The following KIFAP3 variants were observed in gnomAD, a reference collection of about 807,000 sequenced individuals.
The protein encoded by KIFAP3 is kinesin associated protein 3, also known as kinesin-associated protein 3.
Under a neutral mutation model 106.5 loss-of-function variants are expected in KIFAP3, and 68 were observed. The ratio of observed to expected loss-of-function variants is 0.64; its 90% CI spans 0.53 to 0.78. The LOEUF (loss-of-function observed/expected upper bound fraction) is 0.78, where lower values mean the gene tolerates loss of function less well. KIFAP3 is among the 30% of genes least tolerant of loss of function. The pLI is 0.00. For synonymous variants in KIFAP3, 320 were observed against 311.5 expected (o/e 1.03, Z -0.29); for missense variants, 780 against 941.8 (o/e 0.83, Z 2.25).
rs1210600876 is a variant in KIFAP3, at chr1:170,046,848, G to C, written c.183C>G (p.Leu61=). 3 of 1,605,068 alleles carry C rather than the reference G, an allele frequency of 1.9e-6. No homozygotes were observed. Among genetic ancestry groups the C allele is most frequent in the East Asian group, 4.5e-5 (2 of 44,402 alleles). Residue 61 remains leucine (L), a synonymous_variant, in exon 3 of 20, where the codon CTC becomes CTG. Transcript: ENST00000361580. ...ECQKIIRLKS[L]NANTDITSLA... is the part of the protein sequence containing the mutation. The stretch of plus-strand genomic sequence containing the variant: ...GGGAAGTTATATCTGTGTTGGCATT[G>C]AGACTCTTAAGTCGAATGCTGTAAG...
chr1:169,988,007 G>A (rs568766326), intron 11 of KIFAP3, among the ~76,000 whole-genome samples: 118 of 151,980 alleles, frequency 7.8e-4, no homozygotes, highest in African/African-American at 2.7e-3. Context: ...CATGTATAAA[G>A]ACTTGACCTG....
At chr1:169,973,123 A>ATATATATATATATATATAT (rs1553278139) in intron 16 of KIFAP3, among the ~76,000 whole-genome samples, 36 of 128,554 alleles carry the variant, frequency 2.8e-4, no homozygotes, top group South Asian at 5.3e-4. Flanking sequence ...ATATATATAT[A>ATATATATATATATATATAT]AACAACACAA....
intron 15 of KIFAP3, among the ~76,000 whole-genome samples, chr1:169,979,860 C>T (rs116189121): frequency 4.6e-5 from 7 of 152,072 alleles, no homozygotes; most frequent in Non-Finnish European, 7.4e-5. Flanking sequence ...TCCTCCCCCC[C>T]ACAAAAACCT....
chr1:169,992,422 A>G (rs949650085), intron 10 of KIFAP3, among the ~76,000 whole-genome samples, 167 bp from the exon 11 acceptor site: 19 of 152,298 alleles, frequency 1.2e-4, no homozygotes, highest in Non-Finnish European at 2.8e-4. Context: ...GAGCAAGCAT[A>G]TTCATGTTAT....
exon 1 of KIFAP3, chr1:170,085,088 A>AT (rs1244941302): frequency 6.6e-6 from 1 of 152,218 alleles, no homozygotes; most frequent in African/African-American, 2.4e-5. Flanking sequence ...CAAGGAGCCC[A>AT]TATCCACTGG....
chr1:169,930,900 T>C (rs1663427065), intron 19 of KIFAP3, among the ~76,000 whole-genome samples: 1 of 142,336 alleles, frequency 7.0e-6, no homozygotes, highest in South Asian at 2.1e-4. Flanking sequence ...GTCCTTTTCA[T>C]TTTATTATTA....
At chr1:170,004,633 C>T (rs1289061726) in intron 10 of KIFAP3, among the ~76,000 whole-genome samples, 1 of 152,024 alleles carries the variant, frequency 6.6e-6, no homozygotes, top group Non-Finnish European at 1.5e-5. Flanking sequence ...ATAAATGGTG[C>T]TGGGAAAACT....
At chr1:169,936,359 A>AT (rs1663799646) in intron 19 of KIFAP3, among the ~76,000 whole-genome samples, 1 of 151,814 alleles carries the variant, frequency 6.6e-6, no homozygotes, top group Non-Finnish European at 1.5e-5. Context: ...TTCAAATTAC[A>AT]TTTTTTAGGA....
intron 1 of KIFAP3, among the ~76,000 whole-genome samples, chr1:170,070,282 A>C (rs571491648): frequency 6.6e-6 from 1 of 152,114 alleles, no homozygotes; most frequent in Non-Finnish European, 1.5e-5. Context: ...CTTTTTTTGC[A>C]GAAATGAAAA....
At chr1:169,983,628 C>T (rs1309918570) in intron 12 of KIFAP3, among the ~76,000 whole-genome samples, 1 of 151,870 alleles carries the variant, frequency 6.6e-6, no homozygotes, top group Non-Finnish European at 1.5e-5. Context: ...CACTTTTCCT[C>T]TTCCCTGTCT....
Position 169,969,859 on chromosome 1 carries a change from T to G in KIFAP3, c.1983+2654A>C, listed in dbSNP as rs532579252. Among the ~76,000 whole-genome samples the G allele has an allele frequency of 3.7e-3, 560 of 152,092 alleles. 2 individuals are homozygous for G. The highest frequency in any genetic ancestry group is 0.013 in the African/African-American group (523 of 41,530). On this transcript the variant is annotated intron_variant, in intron 17 of 19. Coordinates refer to ENST00000361580, the MANE Select transcript of KIFAP3 (RefSeq NM_014970.4). The stretch of plus-strand genomic sequence containing the variant: ...TGTTCTCTGGGGTCTAGATTGTAAA[T>G]TTTTATATTAAGGAACTTTGTATTG...
intron 17 of KIFAP3, among the ~76,000 whole-genome samples, chr1:169,962,775 GA>G (rs1665404066): frequency 1.3e-5 from 2 of 152,010 alleles, no homozygotes; most frequent in African/African-American, 2.4e-5. Context: ...TTAACTTGTT[GA>G]AGTTTCACAT....
chr1:169,933,513 T>C (rs1231550747), intron 19 of KIFAP3, among the ~76,000 whole-genome samples: 1 of 152,058 alleles, frequency 6.6e-6, no homozygotes, highest in Non-Finnish European at 1.5e-5. Context: ...CTTTTGATGA[T>C]GAAGCATGGT....
chr1:170,060,342 T>C (rs936090971), intron 1 of KIFAP3, among the ~76,000 whole-genome samples: 13 of 152,230 alleles, frequency 8.5e-5, no homozygotes, highest in African/African-American at 2.9e-4. Flanking sequence ...TGTGCAAAAA[T>C]CACAGGCGTT....
intron 17 of KIFAP3, among the ~76,000 whole-genome samples, chr1:169,962,928 T>C (rs934414550): frequency 3.9e-5 from 6 of 152,182 alleles, no homozygotes; most frequent in Non-Finnish European, 7.3e-5. Flanking sequence ...GTGACAATTT[T>C]GCTACCAAAT....
intron 10 of KIFAP3, among the ~76,000 whole-genome samples, chr1:170,005,191 T>C (rs1451098348): frequency 6.6e-6 from 1 of 151,838 alleles, no homozygotes; most frequent in Non-Finnish European, 1.5e-5. Flanking sequence ...TGGCGATCAT[T>C]AAAAAGTCAG....
intron 19 of KIFAP3, among the ~76,000 whole-genome samples, chr1:169,939,233 T>C (rs889844198): frequency 6.6e-6 from 1 of 151,978 alleles, no homozygotes; most frequent in Non-Finnish European, 1.5e-5. Context: ...AAAATGGAAA[T>C]AAATAGCCAA....
At chr1:169,928,843 G>A (rs676020) in intron 19 of KIFAP3, among the ~76,000 whole-genome samples, 142,259 of 152,126 alleles carry the variant, frequency 0.94, 66,608 homozygotes, top group East Asian at 0.99. Context: ...TTAGTATGGG[G>A]ATATGCTTCA....
upstream of KIFAP3, among the ~76,000 whole-genome samples, chr1:170,076,927 G>A (rs1196745589): frequency 6.6e-6 from 1 of 152,230 alleles, no homozygotes; most frequent in Non-Finnish European, 1.5e-5. Context: ...AGCATCATTA[G>A]TGAGAGGTGA....
Sources: gnomAD v4.1 joint callset for allele counts (sites outside exome capture counted in the v4.1 genomes callset) on GRCh38, gnomAD v4.1.1 for gene constraint, MANE v1.5 for transcripts, NCBI Gene and HGNC (gene_info 2026-07-23, HGNC 2026-07-21) for gene names.